Variants in POFUT4 observed in about 807,000 individuals in gnomAD.
The protein encoded by POFUT4 is GDP-fucose protein O-fucosyltransferase 4.
chr10:73,776,497 T>A, the POFUT4 span, among the ~76,000 whole-genome samples: 1 of 151,640 alleles, frequency 6.6e-6, no homozygotes, highest in Non-Finnish European at 1.5e-5. Flanking sequence ...TTTGAGACCA[T>A]CCTAGCAAGA....
the POFUT4 span, chr10:73,772,582 A>G: frequency 1.3e-5 from 20 of 1,586,928 alleles, no homozygotes; most frequent in East Asian, 2.3e-5. Flanking sequence ...GGTGGAGCCC[A>G]GGGCTATTCC....
chr10:73,776,164 T>C, the POFUT4 span: 1 of 152,992 alleles, frequency 6.5e-6, no homozygotes, highest in African/African-American at 2.4e-5. Flanking sequence ...ATTTGGTGAG[T>C]TGTATTCTGG....
the POFUT4 span, chr10:73,773,618 G>A: frequency 2.5e-6 from 4 of 1,614,266 alleles, no homozygotes; most frequent in African/African-American, 2.7e-5. Flanking sequence ...ATGATCCTTT[G>A]CTGCCTAACT....
the POFUT4 span, chr10:73,775,594 C>T: frequency 6.2e-7 from 1 of 1,614,174 alleles, no homozygotes; most frequent in Non-Finnish European, 8.5e-7. Flanking sequence ...CAGGGGGAAG[C>T]TCTCACTGCC....
chr10:73,778,796 A>G, the POFUT4 span: 5 of 152,202 alleles, frequency 3.3e-5, no homozygotes, highest in African/African-American at 1.2e-4. Flanking sequence ...TAAATTACAG[A>G]AAGTTTGCTT....
chr10:73,772,718 GC>G, the POFUT4 span: 1 of 1,587,130 alleles, frequency 6.3e-7, no homozygotes, highest in Non-Finnish European at 8.6e-7. Context: ...AGACTTCCGC[GC>G]GTCGGCCGCC....
the POFUT4 span, among the ~76,000 whole-genome samples, chr10:73,777,714 C>G: frequency 0.011 from 1,694 of 152,260 alleles, 28 homozygotes; most frequent in African/African-American, 0.038. Context: ...GTCACCACAT[C>G]TAGCTAATTT....
chr10:73,773,112 A>C, the POFUT4 span: 116 of 365,368 alleles, frequency 3.2e-4, no homozygotes, highest in Middle Eastern at 2.0e-3. Flanking sequence ...GGTGTCCAGG[A>C]CTCCAGGTGT....
chr10:73,775,962 G>C, the POFUT4 span: 104 of 423,004 alleles, frequency 2.5e-4, 6 homozygotes, highest in African/African-American at 1.7e-3. Flanking sequence ...GTCCAACAGA[G>C]TTTTTAAACT....
chr10:73,772,380 T>A, the POFUT4 span: 4 of 1,559,156 alleles, frequency 2.6e-6, no homozygotes, highest in South Asian at 4.8e-5. Flanking sequence ...CTAGGGGTGC[T>A]CAGTGTCTGT....
the POFUT4 span, chr10:73,772,309 G>A: frequency 9.2e-6 from 13 of 1,415,974 alleles, no homozygotes; most frequent in East Asian, 3.7e-4. Flanking sequence ...TGCTGGCCGA[G>A]GGGGCGCCGG....
the POFUT4 span, chr10:73,772,775 G>A: frequency 6.2e-7 from 1 of 1,609,630 alleles, no homozygotes; most frequent in Non-Finnish European, 8.5e-7. Flanking sequence ...CCTCCACGAG[G>A]AGTCGCCCCT....
At chr10:73,776,586 C>T in the POFUT4 span, among the ~76,000 whole-genome samples, 1 of 152,136 alleles carries the variant, frequency 6.6e-6, no homozygotes, top group Admixed American at 6.5e-5. Context: ...GAGGTTGAGG[C>T]AGGAGGATCA....
the POFUT4 span, chr10:73,772,554 A>C: frequency 1.3e-6 from 2 of 1,572,664 alleles, no homozygotes; most frequent in Non-Finnish European, 1.7e-6. Context: ...GAGGCGGGGG[A>C]CTTGCCGGTA....
the POFUT4 span, chr10:73,773,833 C>A: frequency 2.0e-6 from 3 of 1,532,122 alleles, no homozygotes; most frequent in Non-Finnish European, 2.6e-6. Context: ...TGCTGGGGTC[C>A]CCTGCAGCTA....
chr10:73,774,890 A>G, the POFUT4 span: 1 of 157,430 alleles, frequency 6.4e-6, no homozygotes, highest in Non-Finnish European at 1.4e-5. Flanking sequence ...AAGCTGAAGT[A>G]AGGCTGCTAG....
the POFUT4 span, chr10:73,775,792 A>G: frequency 1.1e-5 from 13 of 1,192,240 alleles, no homozygotes; most frequent in African/African-American, 1.7e-4. Flanking sequence ...CTGTCTTTTC[A>G]TGGATTCAAG....
chr10:73,773,835 C>G, the POFUT4 span: 8 of 1,529,722 alleles, frequency 5.2e-6, no homozygotes, highest in African/African-American at 1.4e-5. Flanking sequence ...CTGGGGTCCC[C>G]TGCAGCTATC....
the POFUT4 span, among the ~76,000 whole-genome samples, chr10:73,777,954 G>A: frequency 1.3e-5 from 2 of 150,984 alleles, no homozygotes; most frequent in Non-Finnish European, 2.9e-5. Flanking sequence ...CTGCCTCCCA[G>A]GTTCAAGCAA....
Sources: allele counts gnomAD v4.1 joint callset (sites outside exome capture counted in the v4.1 genomes callset), GRCh38; gene constraint gnomAD v4.1.1; transcripts MANE v1.5; gene names NCBI Gene and HGNC (gene_info 2026-07-23, HGNC 2026-07-21).